The following PAK5 variants were observed in gnomAD, a reference collection of about 807,000 sequenced individuals.
The protein encoded by PAK5 is p21 (RAC1) activated kinase 5.
A neutral mutation model predicts 65.9 loss-of-function variants in PAK5; 16 were observed. The observed-to-expected ratio is 0.24, with a 90% confidence interval of 0.16 to 0.37. The LOEUF (loss-of-function observed/expected upper bound fraction) is 0.37, where lower values mean the gene tolerates loss of function less well. Among genes scored for constraint, PAK5 ranks in the 10% least tolerant of loss-of-function variants. The pLI, the probability that PAK5 is intolerant of heterozygous loss-of-function variation, is 1.00. For synonymous variants in PAK5, 371 were observed against 354.9 expected, an observed-to-expected ratio of 1.05 and a Z score of -0.51; for missense variants, 785 against 903.9, an observed-to-expected ratio of 0.87 and a Z score of 1.69.
intron 1 of PAK5, among the ~76,000 whole-genome samples, chr20:9,725,325 G>T (rs554776570): frequency 1.5e-5 from 2 of 129,320 alleles, no homozygotes; most frequent in South Asian, 6.2e-4. Flanking sequence ...TGTTTTGAAG[G>T]TTATTATTAA....
intron 3 of PAK5, among the ~76,000 whole-genome samples, chr20:9,587,506 G>A (rs905859038): frequency 1.3e-5 from 2 of 152,158 alleles, no homozygotes; most frequent in Non-Finnish European, 2.9e-5. Flanking sequence ...GGAAAGATAG[G>A]TATAGAAAAG....
At chr20:9,798,070 G>A (rs1434116532) in intron 1 of PAK5, among the ~76,000 whole-genome samples, 1 of 152,116 alleles carries the variant, frequency 6.6e-6, no homozygotes, top group African/African-American at 2.4e-5. Flanking sequence ...TAAGAACTCT[G>A]TTAGACTGAG....
At chr20:9,755,943 A>G (rs2048628763) in intron 1 of PAK5, among the ~76,000 whole-genome samples, 1 of 152,176 alleles carries the variant, frequency 6.6e-6, no homozygotes, top group Non-Finnish European at 1.5e-5. Flanking sequence ...ATATATGGAT[A>G]TGGTATTCTG....
chr20:9,567,019 T>C (rs1447170473), intron 4 of PAK5, among the ~76,000 whole-genome samples: 1 of 152,044 alleles, frequency 6.6e-6, no homozygotes, highest in Admixed American at 6.5e-5. Context: ...TGGAGGAGAA[T>C]GGGGAAGCCA....
At chr20:9,577,248 A>C (rs910140208) in intron 4 of PAK5, 2 of 152,006 alleles carry the variant, frequency 1.3e-5, no homozygotes, top group African/African-American at 4.8e-5. Flanking sequence ...CAACATCAAC[A>C]AACTCATAAC....
In PAK5 at chr20:9,559,163, C is replaced by G. The variant is rs544285918; in HGVS notation, c.1617-1429G>C. Among the ~76,000 whole-genome samples, 3 of 152,180 alleles carry G rather than the reference C, an allele frequency of 2.0e-5. No homozygotes were observed. The East Asian group carries it at 5.8e-4, about 29-fold the overall frequency. On this transcript the variant is annotated intron_variant, in intron 6 of 9. Transcript: ENST00000353224. Reference sequence around the variant, plus strand: ...GACTCATTTAGGCAGCTGCCTAACTCATCTATGTGCAAAACTTCTTCCCTA... The same window carrying G: ...GACTCATTTAGGCAGCTGCCTAACTGATCTATGTGCAAAACTTCTTCCCTA...
chr20:9,568,012 A>T (rs2045711431), intron 4 of PAK5, among the ~76,000 whole-genome samples: 1 of 152,180 alleles, frequency 6.6e-6, no homozygotes, highest in African/African-American at 2.4e-5. Flanking sequence ...AGGCAGATCC[A>T]GGCTTAGTTT....
At chr20:9,695,812 AT>A (rs894520423) in intron 2 of PAK5, among the ~76,000 whole-genome samples, 3 of 151,948 alleles carry the variant, frequency 2.0e-5, no homozygotes, top group African/African-American at 4.8e-5. Context: ...AAAAAAAAAA[AT>A]TCAACTTTTA....
intron 2 of PAK5, among the ~76,000 whole-genome samples, chr20:9,667,807 G>A (rs1313432671): frequency 6.6e-6 from 1 of 152,162 alleles, no homozygotes; most frequent in African/African-American, 2.4e-5. Context: ...ATGTATGTGT[G>A]TTTATTCCAA....
intron 1 of PAK5, among the ~76,000 whole-genome samples, chr20:9,800,311 C>T (rs1304368835): frequency 2.0e-5 from 3 of 152,208 alleles, no homozygotes; most frequent in Non-Finnish European, 4.4e-5. Flanking sequence ...GTTTTTCCAA[C>T]CAAATGATTT....
At chr20:9,702,045 A>G (rs1197617235) in intron 2 of PAK5, among the ~76,000 whole-genome samples, 1 of 152,144 alleles carries the variant, frequency 6.6e-6, no homozygotes, top group African/African-American at 2.4e-5. Context: ...CTCAGTAGTT[A>G]GTAAATGAAA....
intron 1 of PAK5, among the ~76,000 whole-genome samples, chr20:9,764,021 G>A (rs931328029): frequency 1.3e-5 from 2 of 151,936 alleles, no homozygotes; most frequent in African/African-American, 4.8e-5. Context: ...AATTGCATTT[G>A]GGAAATTTAA....
chr20:9,641,529 T>C (rs1426504682), intron 3 of PAK5, among the ~76,000 whole-genome samples: 1 of 150,432 alleles, frequency 6.6e-6, no homozygotes, highest in Non-Finnish European at 1.5e-5. Flanking sequence ...TGGCTTCACC[T>C]AGTGGATCCC....
chr20:9,548,812 T>G (rs2045383844), intron 7 of PAK5, among the ~76,000 whole-genome samples: 1 of 152,232 alleles, frequency 6.6e-6, no homozygotes, highest in African/African-American at 2.4e-5. Context: ...AATAACATTT[T>G]GGAAATTATT....
Position 9,538,289 on chromosome 20 carries a change from C to G in PAK5, c.*1173G>C, listed in dbSNP as rs994730330. On this transcript the variant is annotated 3_prime_UTR_variant, in exon 10 of 10. Coordinates refer to ENST00000353224, the MANE Select transcript of PAK5 (RefSeq NM_177990.4). ...CAGATCATACCTGGTAAAATACCCT[C>G]TTGCTAATTCATCCTCTAGAGTCAG... The G allele has an allele frequency of 8.6e-6, 2 of 233,604 alleles. No homozygotes were observed. Among genetic ancestry groups the G allele is most frequent in the African/African-American group, 4.4e-5 (2 of 45,356 alleles). 14.5% of individuals were successfully genotyped at this position (233,604 alleles called of 1,614,324 possible). A position where few individuals can be genotyped will look rare whatever the true frequency, so the allele number is the denominator to read the frequency against.
intron 1 of PAK5, among the ~76,000 whole-genome samples, chr20:9,834,416 T>C (rs1370871674): frequency 6.6e-6 from 1 of 152,182 alleles, no homozygotes; most frequent in Non-Finnish European, 1.5e-5. Context: ...AATTCAGGAT[T>C]TTGACAGAAA....
intron 3 of PAK5, among the ~76,000 whole-genome samples, chr20:9,629,675 T>C (rs1033767992): frequency 2.0e-5 from 3 of 152,168 alleles, no homozygotes; most frequent in South Asian, 2.1e-4. Flanking sequence ...GGTCCTACCC[T>C]TGTGACCTCA....
chr20:9,736,417 C>T (rs938341691), intron 1 of PAK5, among the ~76,000 whole-genome samples: 3 of 152,094 alleles, frequency 2.0e-5, no homozygotes, highest in African/African-American at 7.2e-5. Flanking sequence ...AAAGATTTAA[C>T]AAGCCCAGTG....
chr20:9,597,835 C>T (rs113804119), intron 3 of PAK5, among the ~76,000 whole-genome samples: 3 of 152,206 alleles, frequency 2.0e-5, no homozygotes, highest in Admixed American at 6.5e-5. Flanking sequence ...CATGCTAGGC[C>T]AGCCAGCCTC....
Sources: allele counts gnomAD v4.1 joint callset (sites outside exome capture counted in the v4.1 genomes callset), GRCh38; gene constraint gnomAD v4.1.1; transcripts MANE v1.5; gene names NCBI Gene and HGNC (gene_info 2026-07-23, HGNC 2026-07-21).